Variants in ZNF385D observed in about 807,000 individuals in gnomAD.
ZNF385D encodes the protein zinc finger protein 659.
ZNF385D carries 15 observed loss-of-function variants against 35.8 expected under a neutral mutation model. The observed-to-expected ratio is 0.42, with a 90% CI of 0.28 to 0.64. The LOEUF (loss-of-function observed/expected upper bound fraction) is 0.64, where lower values mean the gene tolerates loss of function less well. ZNF385D is among the 30% of genes least tolerant of loss of function. ZNF385D has a pLI of 0.23. For missense variants in ZNF385D, 474 were observed against 494.6 expected (o/e 0.96, Z 0.39); for synonymous variants, 212 against 186.8 (o/e 1.13, Z -1.10).
Position 21,894,130 on chromosome 3 carries a change from C to T in ZNF385D, c.326-229102G>A, listed in dbSNP as rs968838251. ...ACTTGCATAGTCATATATATCAAAA[C>T]GTATTTTTAAATTGCACTAAGCTAG... is the stretch of plus-strand genomic sequence containing the variant. On this transcript the variant is annotated intron_variant, in intron 3 of 5. Transcript: ENST00000494108. Among the ~76,000 whole-genome samples the T allele has an allele frequency of 7.9e-5, 12 of 152,022 alleles. 1 individual carries two copies. The highest frequency in any genetic ancestry group is 2.6e-4 in the Admixed American group (4 of 15,260).
chr3:21,611,587 A>C (rs1446031236), intron 2 of ZNF385D, among the ~76,000 whole-genome samples: 1 of 152,170 alleles, frequency 6.6e-6, no homozygotes, highest in Non-Finnish European at 1.5e-5. Context: ...AAATGACATA[A>C]TGTATATGAA....
At chr3:22,024,743 A>G (rs556214011) in intron 3 of ZNF385D, among the ~76,000 whole-genome samples, 1 of 152,246 alleles carries the variant, frequency 6.6e-6, no homozygotes, top group South Asian at 2.1e-4. Flanking sequence ...TCTATACATA[A>G]TATTTTTGAC....
intron 3 of ZNF385D, among the ~76,000 whole-genome samples, chr3:21,921,601 G>A (rs983395057): frequency 2.6e-5 from 4 of 152,040 alleles, no homozygotes; most frequent in Admixed American, 6.5e-5. Flanking sequence ...CCAGGATTAT[G>A]AAAATGCAGT....
At chr3:21,693,020 C>G (rs115651264) in intron 1 of ZNF385D, among the ~76,000 whole-genome samples, 1,658 of 152,130 alleles carry the variant, frequency 0.011, 25 homozygotes, top group African/African-American at 0.038. Flanking sequence ...ACCTCTTTGC[C>G]ATCTTTTCCA....
At chr3:22,255,695 T>C (rs1387293293) in intron 2 of ZNF385D, among the ~76,000 whole-genome samples, 4 of 151,900 alleles carry the variant, frequency 2.6e-5, no homozygotes, top group Non-Finnish European at 4.4e-5. Context: ...CCATTTCATA[T>C]GTACTTTTGT....
intron 4 of ZNF385D, among the ~76,000 whole-genome samples, chr3:21,458,643 T>C (rs1702975767): frequency 6.6e-6 from 1 of 152,050 alleles, no homozygotes; most frequent in African/African-American, 2.4e-5. Context: ...TGGCAAAAAC[T>C]GTGTCATGAA....
At chr3:22,273,658 C>T (rs2125366300) in intron 2 of ZNF385D, among the ~76,000 whole-genome samples, 1 of 151,986 alleles carries the variant, frequency 6.6e-6, no homozygotes, top group East Asian at 1.9e-4. Flanking sequence ...AAATAAATGT[C>T]TTAAAGAATG....
intron 3 of ZNF385D, among the ~76,000 whole-genome samples, chr3:21,540,247 T>C (rs162413): frequency 0.23 from 35,519 of 151,982 alleles, 4,289 homozygotes; most frequent in African/African-American, 0.29. Flanking sequence ...ATCAAGCAAA[T>C]TTTGAGAGCT....
chr3:22,085,328 A>C (rs1029740955), intron 3 of ZNF385D, among the ~76,000 whole-genome samples: 7 of 152,002 alleles, frequency 4.6e-5, no homozygotes, highest in African/African-American at 1.7e-4. Flanking sequence ...TAGACCTCTA[A>C]CAAGACTAAT....
intron 3 of ZNF385D, among the ~76,000 whole-genome samples, chr3:21,522,344 CT>C (rs1030747969): frequency 1.9e-4 from 28 of 147,378 alleles, no homozygotes; most frequent in South Asian, 4.3e-4. Context: ...TTTGTTTTAA[CT>C]TTTTTTTTTT....
intron 2 of ZNF385D, among the ~76,000 whole-genome samples, chr3:21,615,883 C>A (rs974341553): frequency 1.3e-5 from 2 of 151,350 alleles, no homozygotes; most frequent in Admixed American, 6.6e-5. Context: ...AAAGGCATAC[C>A]AAGCTAATCT....
At position 21,844,640 on chromosome 3, in the gene ZNF385D, A is replaced by G. The variant is rs142428241; in HGVS notation, c.326-179612T>C. Among the ~76,000 whole-genome samples, 47 of 152,150 alleles carry G rather than the reference A, an allele frequency of 3.1e-4. No homozygotes were observed. The East Asian group carries it at 9.1e-3, about 30-fold the overall frequency. ...TAAACATTCAATCCAAATTCAGTGC[A>G]TGACATCATTTTTAAAGTTCACCTG... On this transcript the variant is annotated intron_variant, in intron 3 of 5. Transcript: ENST00000494108.
intron 3 of ZNF385D, among the ~76,000 whole-genome samples, chr3:21,975,754 T>TATAC (rs1703575287): frequency 2.6e-5 from 3 of 115,484 alleles, no homozygotes; most frequent in South Asian, 5.3e-4. Context: ...TATATATATA[T>TATAC]ACACACACTA....
At chr3:22,345,693 C>G (rs1374021119) in intron 2 of ZNF385D, among the ~76,000 whole-genome samples, 1 of 152,164 alleles carries the variant, frequency 6.6e-6, no homozygotes, top group Non-Finnish European at 1.5e-5. Context: ...CCAGATGCCC[C>G]CCTTCAGAAC....
chr3:21,518,745 G>A (rs1346886324), intron 3 of ZNF385D, among the ~76,000 whole-genome samples: 1 of 151,926 alleles, frequency 6.6e-6, no homozygotes, highest in African/African-American at 2.4e-5. Flanking sequence ...CTTCTCTACT[G>A]CTCTATTTAA....
chr3:22,058,549 G>A (rs1304090445), intron 3 of ZNF385D, among the ~76,000 whole-genome samples: 1 of 152,184 alleles, frequency 6.6e-6, no homozygotes, highest in Non-Finnish European at 1.5e-5. Flanking sequence ...AGAGGCAGAT[G>A]AGATCTTGGT....
chr3:21,688,199 CA>C (rs1264390739), intron 1 of ZNF385D, among the ~76,000 whole-genome samples: 5 of 152,078 alleles, frequency 3.3e-5, no homozygotes, highest in Admixed American at 6.6e-5. Flanking sequence ...TTTGCAAAAG[CA>C]TAAGTGCTTG....
intron 3 of ZNF385D, among the ~76,000 whole-genome samples, chr3:22,112,360 C>T (rs1197766013): frequency 6.6e-6 from 1 of 152,026 alleles, no homozygotes; most frequent in Non-Finnish European, 1.5e-5. Flanking sequence ...TCATAGTCCT[C>T]CAACCATCAG....
At chr3:21,557,622 AT>A (rs1019961889) in intron 3 of ZNF385D, among the ~76,000 whole-genome samples, 1 of 151,730 alleles carries the variant, frequency 6.6e-6, no homozygotes, top group Admixed American at 6.6e-5. Context: ...CTGAAATTTT[AT>A]TTTTTTGTCG....
Sources: gnomAD v4.1 joint callset for allele counts (sites outside exome capture counted in the v4.1 genomes callset) on GRCh38, gnomAD v4.1.1 for gene constraint, MANE v1.5 for transcripts, NCBI Gene and HGNC (gene_info 2026-07-23, HGNC 2026-07-21) for gene names.